Variants in SPMIP11 observed in about 807,000 individuals in gnomAD.
The protein encoded by SPMIP11 is sperm microtubule inner protein 11.
chr12:48,736,628 T>A, the SPMIP11 span, among the ~76,000 whole-genome samples: 1 of 152,068 alleles, frequency 6.6e-6, no homozygotes, highest in South Asian at 2.1e-4. Flanking sequence ...CAAAGCCTGT[T>A]GCATAATTAT....
At chr12:48,763,986 T>C in the SPMIP11 span, among the ~76,000 whole-genome samples, 2 of 139,612 alleles carry the variant, frequency 1.4e-5, no homozygotes, top group African/African-American at 5.2e-5. Flanking sequence ...CCAAAAGTAC[T>C]TTTTTTTTTT....
chr12:48,759,479 G>A, the SPMIP11 span: 1 of 582,916 alleles, frequency 1.7e-6, no homozygotes. Flanking sequence ...ACAAGGTCAG[G>A]AGTTCAAGAC....
the SPMIP11 span, among the ~76,000 whole-genome samples, chr12:48,760,154 C>T: frequency 5.5e-3 from 830 of 151,984 alleles, 3 homozygotes; most frequent in Non-Finnish European, 9.9e-3. Flanking sequence ...CTAGTTCTGC[C>T]TCTTTTTTGA....
At chr12:48,769,831 G>A in the SPMIP11 span, among the ~76,000 whole-genome samples, 467 of 144,098 alleles carry the variant, frequency 3.2e-3, 1 homozygote, top group Non-Finnish European at 4.7e-3. Context: ...GCACCATCTC[G>A]GCTCACTGCA....
the SPMIP11 span, among the ~76,000 whole-genome samples, chr12:48,751,878 C>T: frequency 6.6e-6 from 1 of 151,868 alleles, no homozygotes; most frequent in South Asian, 2.1e-4. Flanking sequence ...ACCAGCCTGG[C>T]CAACATGGTG....
At chr12:48,758,659 C>G in the SPMIP11 span, among the ~76,000 whole-genome samples, 1 of 152,180 alleles carries the variant, frequency 6.6e-6, no homozygotes, top group East Asian at 1.9e-4. Context: ...CACCACCTTA[C>G]CAGCCCCATC....
chr12:48,770,910 T>G, the SPMIP11 span: 5 of 1,614,228 alleles, frequency 3.1e-6, no homozygotes, highest in South Asian at 5.5e-5. Context: ...GAGGCAGCCA[T>G]GTAGGTGCTA....
At chr12:48,765,500 A>G in the SPMIP11 span, 2 of 670,480 alleles carry the variant, frequency 3.0e-6, no homozygotes. Context: ...AAGTGCTGGG[A>G]TTACAGGCGT....
chr12:48,754,686 G>A, the SPMIP11 span, among the ~76,000 whole-genome samples: 4 of 151,936 alleles, frequency 2.6e-5, no homozygotes, highest in Non-Finnish European at 5.9e-5. Flanking sequence ...TCCTGACCTC[G>A]TGATCCACCC....
the SPMIP11 span, among the ~76,000 whole-genome samples, chr12:48,743,377 C>T: frequency 1.3e-5 from 2 of 152,070 alleles, no homozygotes; most frequent in African/African-American, 2.4e-5. Flanking sequence ...AAGACCTTGT[C>T]TCAAAAAAAC....
At chr12:48,730,229 T>A in the SPMIP11 span, among the ~76,000 whole-genome samples, 1 of 152,190 alleles carries the variant, frequency 6.6e-6, no homozygotes, top group Non-Finnish European at 1.5e-5. Flanking sequence ...AGATTTTACT[T>A]TATAAAAATC....
chr12:48,751,041 TA>T, the SPMIP11 span, among the ~76,000 whole-genome samples: 8 of 152,212 alleles, frequency 5.3e-5, no homozygotes, highest in African/African-American at 1.9e-4. Context: ...ACTATCATGA[TA>T]TTTTTAAGTC....
the SPMIP11 span, chr12:48,765,874 G>A: frequency 6.6e-5 from 36 of 541,404 alleles, no homozygotes; most frequent in Admixed American, 1.1e-3. Context: ...TGCTGTGTGG[G>A]AGATTCCTGA....
chr12:48,738,055 G>A, the SPMIP11 span, among the ~76,000 whole-genome samples: 292 of 148,366 alleles, frequency 2.0e-3, no homozygotes, highest in Admixed American at 3.1e-3. Context: ...GAACTCCTAA[G>A]CTCAAGCAAT....
the SPMIP11 span, among the ~76,000 whole-genome samples, chr12:48,753,860 G>A: frequency 1.8e-3 from 278 of 151,798 alleles, 7 homozygotes; most frequent in South Asian, 0.055. Flanking sequence ...GTGCCACAAT[G>A]CCCGGCTAAT....
the SPMIP11 span, among the ~76,000 whole-genome samples, chr12:48,733,982 G>C: frequency 6.6e-6 from 1 of 152,126 alleles, no homozygotes; most frequent in Middle Eastern, 3.4e-3. Flanking sequence ...ATGTTGGCCA[G>C]GCTGGTCTCG....
At chr12:48,757,124 A>G in the SPMIP11 span, among the ~76,000 whole-genome samples, 19 of 152,054 alleles carry the variant, frequency 1.2e-4, no homozygotes, top group African/African-American at 4.6e-4. Flanking sequence ...GGAGATAGGG[A>G]AAGGGGCCTA....
the SPMIP11 span, among the ~76,000 whole-genome samples, chr12:48,751,324 T>C: frequency 6.6e-6 from 1 of 152,144 alleles, no homozygotes; most frequent in Non-Finnish European, 1.5e-5. Flanking sequence ...CTTCAGAAAC[T>C]CAGTTTAAGC....
At chr12:48,735,449 G>T in the SPMIP11 span, among the ~76,000 whole-genome samples, 4 of 151,914 alleles carry the variant, frequency 2.6e-5, no homozygotes, top group Non-Finnish European at 5.9e-5. Context: ...CTCTACTAAG[G>T]TGGCAGGTGC....
Sources: allele counts gnomAD v4.1 joint callset (sites outside exome capture counted in the v4.1 genomes callset), GRCh38; gene constraint gnomAD v4.1.1; transcripts MANE v1.5; gene names NCBI Gene and HGNC (gene_info 2026-07-23, HGNC 2026-07-21).